The following PSD3 variants were observed in gnomAD, a reference collection of about 807,000 sequenced individuals.
PSD3 encodes the protein PH and SEC7 domain-containing protein 3.
PSD3 carries 49 observed loss-of-function variants against 105.5 expected under a neutral mutation model. The observed-to-expected ratio is 0.46, with a 90% CI of 0.37 to 0.59. The LOEUF (loss-of-function observed/expected upper bound fraction) is 0.59, where lower values mean the gene tolerates loss of function less well. Ranked by LOEUF, PSD3 falls within the 20% of genes least tolerant of loss-of-function variation. The pLI, the probability that PSD3 is intolerant of heterozygous loss-of-function variation, is 0.00. For synonymous variants in PSD3, 557 were observed against 457.8 expected (o/e 1.22, Z -2.77); for missense variants, 1,561 against 1,263.8 (o/e 1.24, Z -3.57).
chr8:19,068,039 C>A (rs1005509773), intron 1 of PSD3, among the ~76,000 whole-genome samples: 1 of 152,088 alleles, frequency 6.6e-6, no homozygotes, highest in African/African-American at 2.4e-5. Context: ...AAAGTTCAAC[C>A]CAGCTCATCA....
chr8:18,584,616 C>T (rs1387184626), intron 12 of PSD3, among the ~76,000 whole-genome samples: 1 of 152,184 alleles, frequency 6.6e-6, no homozygotes, highest in Non-Finnish European at 1.5e-5. Flanking sequence ...GGCTAAATGG[C>T]CAATGAAGCA....
chr8:19,069,055 C>A (rs1373232317), intron 1 of PSD3, among the ~76,000 whole-genome samples: 1 of 152,152 alleles, frequency 6.6e-6, no homozygotes, highest in Admixed American at 6.5e-5. Context: ...TTCAAACTAA[C>A]GTCAAGCTCA....
chr8:18,776,709 AG>A (rs1270493547), intron 8 of PSD3, among the ~76,000 whole-genome samples: 11 of 152,174 alleles, frequency 7.2e-5, no homozygotes, highest in Non-Finnish European at 1.5e-4. Context: ...AGAACTGAGC[AG>A]TGAAACTGTC....
chr8:18,734,085 G>A (rs1247268013), intron 9 of PSD3: 1 of 152,150 alleles, frequency 6.6e-6, no homozygotes, highest in East Asian at 1.9e-4. Flanking sequence ...TTCAGTGATT[G>A]TTACTTATGG....
intron 9 of PSD3, among the ~76,000 whole-genome samples, chr8:18,702,624 T>A (rs1385035609): frequency 6.6e-6 from 1 of 150,610 alleles, no homozygotes; most frequent in Non-Finnish European, 1.5e-5. Flanking sequence ...TCTTTCTTTC[T>A]TTTTTTGAGA....
chr8:18,540,031 T>C (rs1800073338), intron 15 of PSD3, among the ~76,000 whole-genome samples: 2 of 152,130 alleles, frequency 1.3e-5, no homozygotes, highest in Admixed American at 1.3e-4. Flanking sequence ...AATGCCAGCG[T>C]GCCCAGCCCC....
intron 11 of PSD3, among the ~76,000 whole-genome samples, chr8:18,613,222 A>C (rs28497330): frequency 0.22 from 33,988 of 152,062 alleles, 4,140 homozygotes; most frequent in Middle Eastern, 0.37. Context: ...ATGAGGGATG[A>C]AAAACCAGAC....
intron 9 of PSD3, chr8:18,730,373 C>T (rs1280606740): frequency 6.6e-6 from 1 of 152,188 alleles, no homozygotes; most frequent in East Asian, 1.9e-4. Flanking sequence ...CAAACATATA[C>T]ACCCCACGTT....
At chr8:19,030,837 G>A (rs551580565) in intron 1 of PSD3, among the ~76,000 whole-genome samples, 26 of 152,110 alleles carry the variant, frequency 1.7e-4, no homozygotes, top group Non-Finnish European at 3.5e-4. Flanking sequence ...CTTTGAGAGC[G>A]ATCCTAATTT....
intron 10 of PSD3, among the ~76,000 whole-genome samples, chr8:18,638,717 T>C (rs566326649): frequency 6.6e-6 from 1 of 152,282 alleles, no homozygotes; most frequent in Non-Finnish European, 1.5e-5. Flanking sequence ...TCCAATGTCA[T>C]TTTTTATAGG....
At chr8:18,699,792 C>T (rs143701274) in intron 9 of PSD3, among the ~76,000 whole-genome samples, 44 of 151,796 alleles carry the variant, frequency 2.9e-4, no homozygotes, top group African/African-American at 1.0e-3. Context: ...TAGTTATTAC[C>T]AGTATTTAAG....
At chr8:18,965,848 G>A (rs1034319769) in intron 1 of PSD3, among the ~76,000 whole-genome samples, 2 of 152,170 alleles carry the variant, frequency 1.3e-5, no homozygotes, top group African/African-American at 2.4e-5. Context: ...AAAATAAATG[G>A]ACACATAACA....
chr8:19,083,473 C>T (rs1274107266), intron 1 of PSD3, among the ~76,000 whole-genome samples: 1 of 152,166 alleles, frequency 6.6e-6, no homozygotes, highest in Non-Finnish European at 1.5e-5. Context: ...CCTTGGAGGC[C>T]ACACAGGGCT....
intron 1 of PSD3, among the ~76,000 whole-genome samples, chr8:19,010,830 C>G (rs910235958): frequency 1.3e-5 from 2 of 151,958 alleles, no homozygotes; most frequent in African/African-American, 4.8e-5. Context: ...CTAGGAAGAA[C>G]TGAGAGGCAA....
intron 15 of PSD3, among the ~76,000 whole-genome samples, chr8:18,536,573 A>G (rs1799857368): frequency 6.6e-6 from 1 of 152,214 alleles, no homozygotes; most frequent in Non-Finnish European, 1.5e-5. Context: ...TATTATGAAC[A>G]GGTGCTGCTA....
chr8:18,750,607 G>A (rs1356266355), intron 9 of PSD3, among the ~76,000 whole-genome samples: 2 of 152,060 alleles, frequency 1.3e-5, no homozygotes, highest in African/African-American at 4.8e-5. Flanking sequence ...GCTGGCTCCG[G>A]CAGCCTGCTT....
intron 1 of PSD3, among the ~76,000 whole-genome samples, chr8:19,036,672 C>G (rs887146016): frequency 6.6e-6 from 1 of 152,094 alleles, no homozygotes; most frequent in Non-Finnish European, 1.5e-5. Context: ...CTTATCCATG[C>G]GTAAACTGAG....
chr8:19,050,276 G>A (rs1431708781), intron 1 of PSD3, among the ~76,000 whole-genome samples: 1 of 150,934 alleles, frequency 6.6e-6, no homozygotes, highest in Non-Finnish European at 1.5e-5. Context: ...CAAAAATGCA[G>A]TGGGCTTCAC....
chr8:18,578,465 C>A (rs1403190863), intron 12 of PSD3, among the ~76,000 whole-genome samples: 1 of 152,244 alleles, frequency 6.6e-6, no homozygotes, highest in Middle Eastern at 3.4e-3. Flanking sequence ...TCTCTCCTAC[C>A]TCTCTGATCA....
Sources: gnomAD v4.1 joint callset for allele counts (sites outside exome capture counted in the v4.1 genomes callset) on GRCh38, gnomAD v4.1.1 for gene constraint, MANE v1.5 for transcripts, NCBI Gene and HGNC (gene_info 2026-07-23, HGNC 2026-07-21) for gene names.